TNN: variants seen among roughly 807,000 people sequenced by gnomAD.
The protein encoded by TNN is tenascin-N.
Under a neutral mutation model 134.4 loss-of-function variants are expected in TNN, and 122 were observed. The observed-to-expected ratio is 0.91, with a 90% CI of 0.78 to 1.06. The LOEUF (loss-of-function observed/expected upper bound fraction) is 1.06, where lower values mean the gene tolerates loss of function less well. TNN is among the 50% of genes least tolerant of loss of function. The pLI is 0.00. For missense variants in TNN, 1,739 were observed against 1,699.4 expected (o/e 1.02, Z -0.41); for synonymous variants, 710 against 670.3 (o/e 1.06, Z -0.91).
chr1:175,093,025 C>T (rs1028025718), intron 6 of TNN, among the ~76,000 whole-genome samples: 3 of 152,228 alleles, frequency 2.0e-5, no homozygotes, highest in African/African-American at 4.8e-5. Context: ...CAGAGGGATC[C>T]TTTGATAGCC....
intron 17 of TNN, among the ~76,000 whole-genome samples, chr1:175,144,165 G>A (rs1356738864): frequency 6.6e-6 from 1 of 152,158 alleles, no homozygotes; most frequent in African/African-American, 2.4e-5. Context: ...GAGAACTGTT[G>A]GAGAAACAGG....
chr1:175,116,675 T>G (rs1272581817), intron 9 of TNN, among the ~76,000 whole-genome samples: 1 of 152,218 alleles, frequency 6.6e-6, no homozygotes, highest in African/African-American at 2.4e-5. Context: ...CCTGCACCTC[T>G]GCTCTGCCTC....
At chr1:175,140,780 C>T (rs78669709) in intron 17 of TNN, among the ~76,000 whole-genome samples, 2,203 of 152,242 alleles carry the variant, frequency 0.014, 52 homozygotes, top group African/African-American at 0.049. Context: ...CTATCATTCC[C>T]GCTTTTAAAT....
chr1:175,115,384 C>G (rs905160272), intron 9 of TNN, among the ~76,000 whole-genome samples: 2 of 152,094 alleles, frequency 1.3e-5, no homozygotes, highest in East Asian at 1.9e-4. Flanking sequence ...TAGAGTGCTG[C>G]CTAGTGTGAC....
chr1:175,101,431 A>G (rs570583070), intron 9 of TNN, among the ~76,000 whole-genome samples: 23 of 151,204 alleles, frequency 1.5e-4, no homozygotes, highest in African/African-American at 5.3e-4. Context: ...CAGTAGCAAG[A>G]TTTATTGCAA....
At chr1:175,072,999 C>T (rs1472809271) in intron 1 of TNN, among the ~76,000 whole-genome samples, 1 of 79,862 alleles carries the variant, frequency 1.3e-5, no homozygotes, top group African/African-American at 6.5e-5. Flanking sequence ...TCATTTATGT[C>T]TCAGGCTGGG....
chr1:175,129,842 C>G (rs1251171391), intron 15 of TNN, among the ~76,000 whole-genome samples: 1 of 152,088 alleles, frequency 6.6e-6, no homozygotes, highest in Admixed American at 6.5e-5. Context: ...AACTGGAGTC[C>G]ATTGTCCAAG....
intron 7 of TNN, 69 bp downstream of exon 7, chr1:175,094,322 G>T: frequency 7.0e-7 from 1 of 1,433,302 alleles, no homozygotes; most frequent in Non-Finnish European, 9.3e-7. Context: ...TGAATCAGGA[G>T]GTCATTGCTC....
intron 7 of TNN, among the ~76,000 whole-genome samples, chr1:175,095,409 C>G (rs1318750201): frequency 5.3e-5 from 8 of 152,152 alleles, no homozygotes; most frequent in Non-Finnish European, 1.2e-4. Flanking sequence ...ACTGGTGTGA[C>G]TGTGTTCCGA....
At chr1:175,097,857 T>A (rs1016049973) in intron 8 of TNN, among the ~76,000 whole-genome samples, 174 bp downstream of exon 8, 1 of 152,204 alleles carries the variant, frequency 6.6e-6, no homozygotes. Flanking sequence ...CTGACAGTGA[T>A]GAGCTGTTCA....
chr1:175,079,453 G>A lies in TNN; in HGVS notation c.530G>A (p.Gly177Asp). 1 of 1,572,340 alleles carries A rather than the reference G, an allele frequency of 6.4e-7. No homozygotes were observed. ...CTGGCCTGCCCCGGGGCGTGCAGCGGCCACGGGCGTTGCGTGGACGGGCGC... is the reference window on the plus strand; with the variant it reads ...CTGGCCTGCCCCGGGGCGTGCAGCGACCACGGGCGTTGCGTGGACGGGCGC... ...ERLACPGACS[G>D]HGRCVDGRCL... Residue 177 changes from glycine (G) to aspartate (D), a missense_variant, in exon 3 of 19, where the codon GGC (glycine) becomes GAC (aspartate). Transcript: ENST00000239462.
At chr1:175,085,579 A>G in intron 6 of TNN, 85 bp downstream of exon 6, 1 of 985,258 alleles carries the variant, frequency 1.0e-6, no homozygotes, top group Non-Finnish European at 1.6e-6. Flanking sequence ...CTGGATAAGA[A>G]TTCTGGGATT....
intron 6 of TNN, among the ~76,000 whole-genome samples, chr1:175,086,701 G>A (rs1674331064): frequency 6.6e-6 from 1 of 152,222 alleles, no homozygotes. Context: ...CTTATCTGCA[G>A]TATGAAACAG....
Position 175,147,162 on chromosome 1 carries a change from C to T in TNN, c.*91C>T. 3.2e-6 allele frequency: 4 copies of T among 1,242,176 alleles called. No individual in the cohort carries two copies. The highest frequency in any genetic ancestry group is 4.2e-6 in the Non-Finnish European group (4 of 943,386). The allele number at this position is 1,242,176 out of a possible 1,614,324, so 76.9% of individuals were successfully genotyped here. ...GTGGTCACTGCGGTCTGGGAGTGCT[C>T]AGATAGCCCGCAGAACAAATCATGT... On this transcript the variant is annotated 3_prime_UTR_variant, in exon 19 of 19. Transcript: ENST00000239462.
chr1:175,146,813 A>G (rs1676080492), intron 18 of TNN, 118 bp from the exon 19 acceptor site: 2 of 982,910 alleles, frequency 2.0e-6, no homozygotes, highest in Admixed American at 6.6e-5. Context: ...TCTCCTGAGC[A>G]GAGAGGGAGT....
chr1:175,143,348 CT>C (rs1392344573), intron 17 of TNN, among the ~76,000 whole-genome samples: 1 of 152,102 alleles, frequency 6.6e-6, no homozygotes, highest in African/African-American at 2.4e-5. Context: ...CCCTTATTGC[CT>C]TTTATGAGCA....
In TNN at chr1:175,128,093, C is replaced by T. The variant is rs771822543; in HGVS notation, c.3107C>T (p.Thr1036Ile). 3 of 1,614,034 alleles carry T rather than the reference C, an allele frequency of 1.9e-6. No homozygotes were observed. In the South Asian group the frequency reaches 3.3e-5, roughly 18 times the overall value. The change falls in exon 14 of 19, where the codon ACC becomes ATC. Residue 1036 changes from threonine (T) to isoleucine (I), a missense_variant. Transcript: ENST00000239462. ...FALQGLEQGA[T>I]YPVSLVAFKG... ...TTGCAAGGCCTTGAGCAAGGCGCCA[C>T]CTACCCTGTCTCCCTTGTTGCCTTT...
At chr1:175,134,459 C>T (rs1675747877) in intron 15 of TNN, among the ~76,000 whole-genome samples, 1 of 151,662 alleles carries the variant, frequency 6.6e-6, no homozygotes, top group South Asian at 2.1e-4. Flanking sequence ...GCAGGAGAGT[C>T]GCTTGAACCC....
At chr1:175,115,198 G>A (rs1574162612) in intron 9 of TNN, among the ~76,000 whole-genome samples, 1 of 152,112 alleles carries the variant, frequency 6.6e-6, no homozygotes, top group African/African-American at 2.4e-5. Context: ...CTTGGTTGAG[G>A]CACTGATTCC....
Sources: allele counts gnomAD v4.1 joint callset (sites outside exome capture counted in the v4.1 genomes callset), GRCh38; gene constraint gnomAD v4.1.1; transcripts MANE v1.5; gene names NCBI Gene and HGNC (gene_info 2026-07-23, HGNC 2026-07-21).